Variants in LRRC4C observed in about 807,000 individuals in gnomAD.
The protein encoded by LRRC4C is leucine rich repeat containing 4C.
A neutral mutation model predicts 33.6 loss-of-function variants in LRRC4C; 5 were observed. The ratio of observed to expected loss-of-function variants is 0.15; its 90% CI spans 0.08 to 0.31. LRRC4C has a LOEUF of 0.31. Ranked by LOEUF, LRRC4C falls within the 10% of genes least tolerant of loss-of-function variation. The pLI is 1.00. For missense variants in LRRC4C, 560 were observed against 796.7 expected (o/e 0.70, Z 3.58); for synonymous variants, 329 against 302.0 (o/e 1.09, Z -0.93).
intron 1 of LRRC4C, among the ~76,000 whole-genome samples, chr11:41,178,004 A>G (rs769710358): frequency 8.5e-5 from 13 of 152,156 alleles, no homozygotes; most frequent in Non-Finnish European, 1.5e-4. Context: ...TAAAGCCTGC[A>G]TTTCTATATA....
At chr11:41,196,031 TAA>T (rs1394507843) in intron 1 of LRRC4C, among the ~76,000 whole-genome samples, 1 of 152,124 alleles carries the variant, frequency 6.6e-6, no homozygotes, top group Non-Finnish European at 1.5e-5. Flanking sequence ...TCTAACTTTT[TAA>T]AGTTTGTTGC....
rs141555765 is a variant in LRRC4C, at chr11:41,444,520, T to C, written c.-496+14911A>G. Among the ~76,000 whole-genome samples the C allele has an allele frequency of 8.3e-3, 1,259 of 152,296 alleles. 9 individuals carry two copies. Among genetic ancestry groups the C allele is most frequent in the Middle Eastern group, 0.027 (8 of 294 alleles). On this transcript the variant is annotated intron_variant, in intron 1 of 6. Transcript: ENST00000528697. ...CCTCATGGATACCAAGGGACGACTATTAGCTTGTATGTGGTGGCTCCTTCA... is the reference window on the plus strand; with the variant it reads ...CCTCATGGATACCAAGGGACGACTACTAGCTTGTATGTGGTGGCTCCTTCA...
In LRRC4C at chr11:41,108,405, C is replaced by T. The variant is rs945767296; in HGVS notation, c.-495-174682G>A. 7.9e-5 allele frequency among the ~76,000 whole-genome samples: 12 copies of T among 152,176 alleles called. 1 individual carries two copies. Among genetic ancestry groups the T allele is most frequent in the Admixed American group, 7.9e-4 (12 of 15,272 alleles). Reference sequence around the variant, plus strand: ...ATTTTAATTTACAAACTAAGCTTCCCTACTTGATTATAATTCAAATTCTGT... The same window carrying T: ...ATTTTAATTTACAAACTAAGCTTCCTTACTTGATTATAATTCAAATTCTGT... On this transcript the variant is annotated intron_variant, in intron 1 of 6. Coordinates refer to ENST00000528697, the MANE Select transcript of LRRC4C (RefSeq NM_001258419.2).
chr11:40,200,257 G>A (rs557062789), intron 5 of LRRC4C, among the ~76,000 whole-genome samples: 116 of 150,190 alleles, frequency 7.7e-4, no homozygotes, highest in South Asian at 2.7e-3. Context: ...CCAGCTACTC[G>A]GGAGGCTGAG....
At chr11:40,353,797 C>G (rs1334743714) in intron 3 of LRRC4C, among the ~76,000 whole-genome samples, 1 of 152,154 alleles carries the variant, frequency 6.6e-6, no homozygotes, top group Non-Finnish European at 1.5e-5. Context: ...TTTTATTGTG[C>G]TTCCTCTAAA....
chr11:40,305,609 C>T lies in LRRC4C; in HGVS notation c.-176+14019G>A, dbSNP rs917836399. On this transcript the variant is annotated intron_variant, in intron 4 of 6. Coordinates refer to ENST00000528697, the MANE Select transcript of LRRC4C (RefSeq NM_001258419.2). ...CAGTTGTATTTACATTTGTCAAATA[C>T]AAAAAAAAAAAAAAGGAAGAATGTA... Among the ~76,000 whole-genome samples the T allele has an allele frequency of 4.1e-5, 4 of 96,456 alleles. No individual in the cohort carries two copies. In the Admixed American group the frequency reaches 4.5e-4, roughly 11 times the overall value. 63.3% of individuals were successfully genotyped at this position (96,456 alleles called of 152,430 possible).
intron 2 of LRRC4C, among the ~76,000 whole-genome samples, chr11:40,666,079 T>C (rs1368387623): frequency 6.6e-6 from 1 of 152,058 alleles, no homozygotes; most frequent in Non-Finnish European, 1.5e-5. Flanking sequence ...AACAATTAGA[T>C]GCCCTTCAAT....
intron 1 of LRRC4C, among the ~76,000 whole-genome samples, chr11:40,982,140 A>G (rs558839576): frequency 6.6e-6 from 1 of 152,340 alleles, no homozygotes; most frequent in Non-Finnish European, 1.5e-5. Flanking sequence ...CACCCCTAGA[A>G]TCAACAGCTA....
intron 1 of LRRC4C, among the ~76,000 whole-genome samples, chr11:41,357,744 A>T (rs1952212493): frequency 6.6e-6 from 1 of 152,138 alleles, no homozygotes. Context: ...ACAAAACCAT[A>T]ACTTTATAGT....
chr11:40,454,767 T>C (rs777029080), intron 3 of LRRC4C, among the ~76,000 whole-genome samples: 26 of 152,212 alleles, frequency 1.7e-4, no homozygotes, highest in Non-Finnish European at 2.9e-4. Context: ...TTTTCAGGTA[T>C]ACATCTAATT....
intron 1 of LRRC4C, among the ~76,000 whole-genome samples, chr11:41,179,057 A>G (rs1945331485): frequency 6.6e-6 from 1 of 152,142 alleles, no homozygotes. Flanking sequence ...GTATTGGCAG[A>G]TTTGGATAGC....
At chr11:40,636,866 G>A (rs1308318053) in intron 3 of LRRC4C, among the ~76,000 whole-genome samples, 1 of 152,082 alleles carries the variant, frequency 6.6e-6, no homozygotes, top group African/African-American at 2.4e-5. Flanking sequence ...TTGGCAAGGT[G>A]CTATGCTACC....
chr11:40,706,468 T>G (rs907261496), intron 2 of LRRC4C, among the ~76,000 whole-genome samples: 3 of 152,210 alleles, frequency 2.0e-5, no homozygotes, highest in Non-Finnish European at 1.5e-5. Flanking sequence ...AAATAGGGAA[T>G]CCTTTCCCCA....
intron 1 of LRRC4C, among the ~76,000 whole-genome samples, chr11:41,303,495 T>C (rs1950349552): frequency 7.7e-6 from 1 of 130,274 alleles, no homozygotes; most frequent in East Asian, 2.5e-4. Context: ...TTGCAGCCTC[T>C]GCCCGGCCGC....
intron 1 of LRRC4C, among the ~76,000 whole-genome samples, chr11:41,244,981 C>T (rs1381430669): frequency 6.6e-6 from 1 of 152,136 alleles, no homozygotes; most frequent in Non-Finnish European, 1.5e-5. Flanking sequence ...ATAGTAGAAA[C>T]AAGGTGTGGT....
At chr11:40,142,094 C>A (rs951151170) in intron 5 of LRRC4C, among the ~76,000 whole-genome samples, 8 of 151,708 alleles carry the variant, frequency 5.3e-5, no homozygotes, top group African/African-American at 1.9e-4. Flanking sequence ...ACCAGCCTGG[C>A]AAACATGGCG....
chr11:40,827,697 T>C (rs989989776), intron 2 of LRRC4C, among the ~76,000 whole-genome samples: 12 of 151,836 alleles, frequency 7.9e-5, no homozygotes, highest in African/African-American at 2.9e-4. Flanking sequence ...TTTCTCTTGA[T>C]GAATAATGAA....
intron 1 of LRRC4C, among the ~76,000 whole-genome samples, chr11:41,168,962 G>A (rs747069881): frequency 2.6e-5 from 4 of 152,070 alleles, no homozygotes; most frequent in Admixed American, 1.3e-4. Flanking sequence ...ATACATAATC[G>A]CCATTCTTCG....
chr11:41,069,038 A>T (rs1938481390), intron 1 of LRRC4C, among the ~76,000 whole-genome samples: 2 of 152,320 alleles, frequency 1.3e-5, no homozygotes, highest in East Asian at 3.9e-4. Context: ...TGGCAAACCG[A>T]ATCCAGCAGC....
Sources: gnomAD v4.1 joint callset for allele counts (sites outside exome capture counted in the v4.1 genomes callset) on GRCh38, gnomAD v4.1.1 for gene constraint, MANE v1.5 for transcripts, NCBI Gene and HGNC (gene_info 2026-07-23, HGNC 2026-07-21) for gene names.